The following DNAJC6 variants were observed in gnomAD, a reference collection of about 807,000 sequenced individuals.
DNAJC6 encodes auxilin.
In DNAJC6, 34 loss-of-function variants were observed where a neutral mutation model predicts 110.0. That is an observed-to-expected ratio of 0.31 (90% confidence interval 0.24 to 0.41). DNAJC6 has a LOEUF of 0.41. Among genes scored for constraint, DNAJC6 ranks in the 10% least tolerant of loss-of-function variants. The pLI, the probability that DNAJC6 is intolerant of heterozygous loss-of-function variation, is 1.00. For synonymous variants in DNAJC6, 406 were observed against 437.2 expected (o/e 0.93, Z 0.89); for missense variants, 1,031 against 1,207.8 (o/e 0.85, Z 2.17).
intron 1 of DNAJC6, among the ~76,000 whole-genome samples, chr1:65,292,320 G>A (rs1380763228): frequency 1.5e-5 from 2 of 135,798 alleles, no homozygotes; most frequent in African/African-American, 5.5e-5. Context: ...ACCCGGCCTG[G>A]TTTTTTTTTT....
At chr1:65,295,198 A>G (rs989501490) in intron 1 of DNAJC6, among the ~76,000 whole-genome samples, 15 of 152,260 alleles carry the variant, frequency 9.9e-5, no homozygotes, top group African/African-American at 2.9e-4. Flanking sequence ...TTGTAATTGT[A>G]TGAAGCATGG....
At chr1:65,405,132 A>G (rs2101633854) in intron 15 of DNAJC6, among the ~76,000 whole-genome samples, 1 of 152,336 alleles carries the variant, frequency 6.6e-6, no homozygotes. Flanking sequence ...CCCAGCTTGT[A>G]TGCAATGAGT....
At chr1:65,297,602 C>T (rs2101258018) in intron 1 of DNAJC6, among the ~76,000 whole-genome samples, 1 of 152,282 alleles carries the variant, frequency 6.6e-6, no homozygotes, top group South Asian at 2.1e-4. Flanking sequence ...CTTCAAGCTG[C>T]CCTTGTTCAT....
intron 1 of DNAJC6, among the ~76,000 whole-genome samples, chr1:65,323,252 G>A (rs954306257): frequency 2.0e-5 from 3 of 152,166 alleles, no homozygotes; most frequent in Non-Finnish European, 4.4e-5. Flanking sequence ...ATCTCATCTC[G>A]AATTGTAATC....
intron 1 of DNAJC6, among the ~76,000 whole-genome samples, chr1:65,270,286 G>A (rs946362185): frequency 8.6e-5 from 13 of 152,004 alleles, no homozygotes; most frequent in African/African-American, 2.2e-4. Flanking sequence ...CAGTTGAAAC[G>A]TATATGTATA....
chr1:65,304,056 G>C (rs747873234), intron 1 of DNAJC6, among the ~76,000 whole-genome samples: 4 of 152,100 alleles, frequency 2.6e-5, no homozygotes, highest in Admixed American at 6.5e-5. Context: ...ACCTCTCCAA[G>C]TCTGCCTCAA....
intron 4 of DNAJC6, among the ~76,000 whole-genome samples, chr1:65,368,671 CT>C: frequency 7.9e-6 from 1 of 127,356 alleles, no homozygotes; most frequent in Non-Finnish European, 1.7e-5. Flanking sequence ...CTTCCTTCCT[CT>C]CTCCCTTCCT....
chr1:65,333,887 A>C (rs17127530), intron 1 of DNAJC6, among the ~76,000 whole-genome samples: 1 of 152,154 alleles, frequency 6.6e-6, no homozygotes, highest in African/African-American at 2.4e-5. Context: ...GGTTGTTTGC[A>C]TGACCTTTTA....
In DNAJC6 at chr1:65,413,569, A is replaced by G. The variant is rs10493377; in HGVS notation, c.*544A>G. On this transcript the variant is annotated 3_prime_UTR_variant, in exon 19 of 19. Coordinates refer to ENST00000371069, the MANE Select transcript of DNAJC6 (RefSeq NM_001256864.2). ...ACTGTAAATGTCTTTTGGTCAAGAGAACTAACAAATATAAAGGAACTTGAA... is the reference window on the plus strand; with the variant it reads ...ACTGTAAATGTCTTTTGGTCAAGAGGACTAACAAATATAAAGGAACTTGAA... The G allele has an allele frequency of 0.49, 74,002 of 151,946 alleles. 18,498 individuals carry two copies. The highest frequency in any genetic ancestry group is 0.86 in the East Asian group (4,430 of 5,158). The allele number at this position is 151,946 out of a possible 1,614,324, so 9.4% of individuals were successfully genotyped here. A position where few individuals can be genotyped will look rare whatever the true frequency, so the allele number is the denominator to read the frequency against.
At chr1:65,401,618 C>T (rs555490544) in intron 14 of DNAJC6, 143 bp from the exon 15 acceptor site, 379 of 1,164,916 alleles carry the variant, frequency 3.3e-4, no homozygotes, top group Middle Eastern at 9.3e-4. Flanking sequence ...GTCAGGGAAA[C>T]AGGGTCTAGC....
chr1:65,380,925 T>TG (rs1244033163), intron 5 of DNAJC6, among the ~76,000 whole-genome samples: 4 of 136,504 alleles, frequency 2.9e-5, no homozygotes, highest in Admixed American at 7.1e-5. Flanking sequence ...TGTTTTGTTT[T>TG]TTTTTTTTTT....
At chr1:65,342,411 G>T (rs1645397026) in intron 1 of DNAJC6, among the ~76,000 whole-genome samples, 1 of 152,134 alleles carries the variant, frequency 6.6e-6, no homozygotes, top group African/African-American at 2.4e-5. Context: ...GAACTTGCTT[G>T]TCTCTTTCAC....
chr1:65,411,848 G>A (rs772451705), intron 18 of DNAJC6, among the ~76,000 whole-genome samples: 1 of 152,174 alleles, frequency 6.6e-6, no homozygotes, highest in Non-Finnish European at 1.5e-5. Context: ...GCATAAGCCT[G>A]TAGTCTTAGC....
At chr1:65,307,483 C>T (rs1367718626), upstream of DNAJC6, among the ~76,000 whole-genome samples, 1 of 152,110 alleles carries the variant, frequency 6.6e-6, no homozygotes, top group African/African-American at 2.4e-5. Context: ...TGAAAGTGCT[C>T]TTTTTGAAAA....
At chr1:65,396,199 C>T (rs980825234) in intron 13 of DNAJC6, among the ~76,000 whole-genome samples, 1 of 152,186 alleles carries the variant, frequency 6.6e-6, no homozygotes, top group African/African-American at 2.4e-5. Flanking sequence ...AAATTCCCCT[C>T]TTACCTCTGA....
chr1:65,413,358 C>T lies in DNAJC6; in HGVS notation c.*333C>T. The T allele has an allele frequency of 4.7e-6, 1 of 210,652 alleles. No homozygotes were observed. Among genetic ancestry groups the T allele is most frequent in the Non-Finnish European group, 9.5e-6 (1 of 105,130 alleles). 13.0% of individuals were successfully genotyped at this position (210,652 alleles called of 1,614,324 possible). A position where few individuals can be genotyped will look rare whatever the true frequency, so the allele number is the denominator to read the frequency against. The stretch of plus-strand genomic sequence containing the variant: ...CCACCACCCATGAAGGCATAACACC[C>T]ATCACATTGTCTGAGAATAGGATTA... On this transcript the variant is annotated 3_prime_UTR_variant, in exon 19 of 19. Transcript: ENST00000371069.
rs1645875734 is a variant in DNAJC6, at chr1:65,386,661, T to C, written c.996-151T>C. The C allele has an allele frequency of 4.7e-6, 3 of 643,314 alleles. No individual in the cohort carries two copies. The South Asian group carries it at 5.9e-5, about 13-fold the overall frequency. 39.9% of individuals were successfully genotyped at this position (643,314 alleles called of 1,614,324 possible). On this transcript the variant is annotated intron_variant, in intron 7 of 18. Transcript: ENST00000371069. ...CACAACCAGTTGGCACTGGCTGCAC[T>C]CCTGTTTTTGCTCAAGATAGGAAAT... is the stretch of plus-strand genomic sequence containing the variant.
rs188128800 is a variant in DNAJC6 at position 65,394,051 on chromosome 1, C to A, written c.1904-847C>A. Among the ~76,000 whole-genome samples the A allele has an allele frequency of 9.8e-4, 149 of 152,124 alleles. 1 individual carries two copies. In the East Asian group the frequency reaches 0.017, roughly 17 times the overall value. On this transcript the variant is annotated intron_variant, in intron 12 of 18. Transcript: ENST00000371069. Reference sequence around the variant, plus strand: ...TTCCTTCCATACAGTTTTAACTTGCCAAAGTGAAAAAAAGCTCTGTCAGGA... The same window carrying A: ...TTCCTTCCATACAGTTTTAACTTGCAAAAGTGAAAAAAAGCTCTGTCAGGA...
At chr1:65,411,070 G>C (rs1354404512) in intron 17 of DNAJC6, among the ~76,000 whole-genome samples, 180 bp from the exon 18 acceptor site, 1 of 152,202 alleles carries the variant, frequency 6.6e-6, no homozygotes, top group Non-Finnish European at 1.5e-5. Flanking sequence ...GTTAACCAGG[G>C]AGACAAGGTA....
Sources: gnomAD v4.1 joint callset for allele counts (sites outside exome capture counted in the v4.1 genomes callset) on GRCh38, gnomAD v4.1.1 for gene constraint, MANE v1.5 for transcripts, NCBI Gene and HGNC (gene_info 2026-07-23, HGNC 2026-07-21) for gene names.